Variants in DLG2 observed in about 807,000 individuals in gnomAD.
DLG2 encodes the protein discs large MAGUK scaffold protein 2.
In DLG2, 45 loss-of-function variants were observed where a neutral mutation model predicts 132.5. That is an observed-to-expected ratio of 0.34 (90% CI 0.27 to 0.44). The LOEUF is 0.44. Ranked by LOEUF, DLG2 falls within the 20% of genes least tolerant of loss-of-function variation. DLG2 has a pLI of 1.00. For synonymous variants in DLG2, 424 were observed against 419.6 expected (o/e 1.01, Z -0.13); for missense variants, 1,045 against 1,196.9 (o/e 0.87, Z 1.87).
At chr11:85,126,131 G>A (rs902747556) in intron 5 of DLG2, among the ~76,000 whole-genome samples, 2 of 152,180 alleles carry the variant, frequency 1.3e-5, no homozygotes, top group Admixed American at 6.5e-5. Context: ...AAAGAACGGC[G>A]GGAAGCCAGC....
At chr11:84,953,983 C>T (rs763987033) in intron 6 of DLG2, among the ~76,000 whole-genome samples, 13 of 152,078 alleles carry the variant, frequency 8.5e-5, no homozygotes, top group Non-Finnish European at 1.9e-4. Context: ...CCATGAACAC[C>T]ATTTTCTATC....
chr11:85,053,796 CA>C (rs34604489), intron 6 of DLG2, among the ~76,000 whole-genome samples: 8,773 of 45,842 alleles, frequency 0.19, 116 homozygotes, highest in Non-Finnish European at 0.22. Flanking sequence ...GACTCTGTCT[CA>C]AAAAAAAAAA....
At chr11:84,491,704 T>G (rs537119250) in intron 7 of DLG2, among the ~76,000 whole-genome samples, 1 of 152,322 alleles carries the variant, frequency 6.6e-6, no homozygotes, top group South Asian at 2.1e-4. Context: ...TGATAGTGCC[T>G]ACCTCAAAGT....
chr11:84,518,765 G>A (rs954564822), intron 7 of DLG2, among the ~76,000 whole-genome samples: 3 of 152,130 alleles, frequency 2.0e-5, no homozygotes, highest in Non-Finnish European at 4.4e-5. Flanking sequence ...TCAGAAGGCA[G>A]AAAGATAACA....
chr11:85,270,802 C>G (rs117801934), intron 4 of DLG2, among the ~76,000 whole-genome samples: 10 of 152,128 alleles, frequency 6.6e-5, no homozygotes, highest in Non-Finnish European at 1.2e-4. Context: ...GAACTTAAGA[C>G]AGATGATTTA....
intron 15 of DLG2, among the ~76,000 whole-genome samples, chr11:83,910,135 T>C (rs906410949): frequency 9.2e-5 from 14 of 151,898 alleles, no homozygotes; most frequent in African/African-American, 2.2e-4. Flanking sequence ...GTAGACTACA[T>C]TGAAAAGTTG....
chr11:83,866,077 CT>C (rs550380751), intron 16 of DLG2, among the ~76,000 whole-genome samples: 82 of 150,942 alleles, frequency 5.4e-4, no homozygotes, highest in Admixed American at 1.1e-3. Flanking sequence ...ACAGTCCCCC[CT>C]TTTTTTTTCA....
chr11:83,701,772 C>A (rs1377434284), intron 18 of DLG2, among the ~76,000 whole-genome samples: 8 of 152,124 alleles, frequency 5.3e-5, no homozygotes, highest in Admixed American at 1.3e-4. Context: ...ACTGGGATAA[C>A]CTGTCGTGGT....
At chr11:84,407,091 C>T (rs1054129717) in intron 7 of DLG2, among the ~76,000 whole-genome samples, 10 of 152,074 alleles carry the variant, frequency 6.6e-5, no homozygotes, top group Non-Finnish European at 1.0e-4. Flanking sequence ...ACTGGGCTTC[C>T]GCACCTCAGT....
chr11:84,390,334 G>A (rs1199496930), intron 7 of DLG2, among the ~76,000 whole-genome samples: 1 of 152,136 alleles, frequency 6.6e-6, no homozygotes. Context: ...GCACTATTTT[G>A]TTGTAGGAAG....
chr11:84,456,422 G>A (rs2099065494), intron 7 of DLG2, among the ~76,000 whole-genome samples: 1 of 151,248 alleles, frequency 6.6e-6, no homozygotes, highest in Admixed American at 6.6e-5. Context: ...TTTGATATGT[G>A]CAAGGCATTG....
chr11:85,525,321 T>C (rs1415542597), intron 3 of DLG2, among the ~76,000 whole-genome samples: 1 of 152,208 alleles, frequency 6.6e-6, no homozygotes, highest in Non-Finnish European at 1.5e-5. Flanking sequence ...AAAATTGTAT[T>C]TGATGTAAAA....
chr11:85,533,478 A>T (rs1264821560), intron 3 of DLG2, among the ~76,000 whole-genome samples: 1 of 136,574 alleles, frequency 7.3e-6, no homozygotes, highest in Admixed American at 7.4e-5. Flanking sequence ...TATATATATA[A>T]TTCTTTTTAA....
At chr11:84,060,824 C>T (rs2096580375) in intron 10 of DLG2, among the ~76,000 whole-genome samples, 1 of 151,034 alleles carries the variant, frequency 6.6e-6, no homozygotes. Context: ...TCCCCCACCA[C>T]CACGCAGTCA....
At chr11:85,569,510 C>A (rs1471900913) in intron 3 of DLG2, among the ~76,000 whole-genome samples, 1 of 152,148 alleles carries the variant, frequency 6.6e-6, no homozygotes, top group Admixed American at 6.5e-5. Context: ...TTAATTTCAA[C>A]ATATTTGTGA....
chr11:85,560,195 T>A (rs1313658865), intron 3 of DLG2, among the ~76,000 whole-genome samples: 1 of 151,710 alleles, frequency 6.6e-6, no homozygotes, highest in Non-Finnish European at 1.5e-5. Flanking sequence ...AAGTTAAACA[T>A]AAACTTACCA....
intron 6 of DLG2, among the ~76,000 whole-genome samples, chr11:85,089,260 G>C (rs927720746): frequency 6.6e-6 from 1 of 152,054 alleles, no homozygotes; most frequent in African/African-American, 2.4e-5. Context: ...TCAATAGGTA[G>C]TTTTCCAAGC....
chr11:83,769,380 T>C (rs2153786428), intron 18 of DLG2, among the ~76,000 whole-genome samples: 2 of 152,236 alleles, frequency 1.3e-5, no homozygotes, highest in East Asian at 3.9e-4. Context: ...GAGTCACTCC[T>C]TTCCCCCATG....
rs1471287346 is a variant in DLG2, at chr11:84,363,079, C to T, written c.520-111788G>A. On this transcript the variant is annotated intron_variant, in intron 7 of 27. Coordinates refer to ENST00000376104, the MANE Select transcript of DLG2 (RefSeq NM_001142699.3). Reference sequence around the variant, plus strand: ...TTCTAGTTCTAGATCCCTGAGGAATCGCCACACTGACTTCCACAATGGTTG... The same window carrying T: ...TTCTAGTTCTAGATCCCTGAGGAATTGCCACACTGACTTCCACAATGGTTG... Among the ~76,000 whole-genome samples, 7 of 149,624 alleles carry T rather than the reference C, an allele frequency of 4.7e-5. No individual in the cohort carries two copies. The South Asian group carries it at 6.4e-4, about 14-fold the overall frequency.
Sources: gnomAD v4.1 joint callset for allele counts (sites outside exome capture counted in the v4.1 genomes callset) on GRCh38, gnomAD v4.1.1 for gene constraint, MANE v1.5 for transcripts, NCBI Gene and HGNC (gene_info 2026-07-23, HGNC 2026-07-21) for gene names.